Variants in COL4A4 observed in about 807,000 individuals in gnomAD.
COL4A4 encodes collagen type IV alpha 4 chain, also known as collagen alpha-4(IV) chain.
In COL4A4, 105 loss-of-function variants were observed where a neutral mutation model predicts 192.9. That is an observed-to-expected ratio of 0.54 (90% CI 0.46 to 0.64). The LOEUF is 0.64. Among genes scored for constraint, COL4A4 ranks in the 30% least tolerant of loss-of-function variants. The pLI, the probability that COL4A4 is intolerant of heterozygous loss-of-function variation, is 0.00. For synonymous variants in COL4A4, 762 were observed against 769.9 expected (o/e 0.99, Z 0.17); for missense variants, 1,967 against 2,169.3 (o/e 0.91, Z 1.85).
chr2:227,041,848 G>GAAA, intron 37 of COL4A4, among the ~76,000 whole-genome samples: 1 of 38,692 alleles, frequency 2.6e-5, no homozygotes, highest in South Asian at 9.4e-4. Context: ...AAGAAAGAAA[G>GAAA]AGAAAGAAAG....
chr2:227,162,932 C>T (rs1349169030), intron 1 of COL4A4, among the ~76,000 whole-genome samples: 2 of 152,208 alleles, frequency 1.3e-5, no homozygotes, highest in Non-Finnish European at 2.9e-5. Context: ...TGTCTTCATT[C>T]ACTGTTAGGG....
chr2:227,011,430 C>G (rs940088440), intron 45 of COL4A4, among the ~76,000 whole-genome samples: 1 of 152,100 alleles, frequency 6.6e-6, no homozygotes, highest in Non-Finnish European at 1.5e-5. Context: ...TTTCTGTAGA[C>G]TATAATTGGC....
At chr2:227,163,836 C>A (rs2065059187) in intron 1 of COL4A4, among the ~76,000 whole-genome samples, 171 bp downstream of exon 1, 1 of 152,212 alleles carries the variant, frequency 6.6e-6, no homozygotes, top group South Asian at 2.1e-4. Context: ...CCAGTTAAAG[C>A]CCAGGCAGAC....
At position 227,114,612 on chromosome 2, in the gene COL4A4, T is replaced by C. The variant is rs2061392643; in HGVS notation, c.558+16A>G. 6.2e-7 allele frequency: 1 copy of C among 1,610,822 alleles called. No individual in the cohort carries two copies. Among genetic ancestry groups the C allele is most frequent in the Non-Finnish European group, 8.5e-7 (1 of 1,176,936 alleles). ...GAAGAAAAAATTTTTTAACCCATCA[T>C]GATCATAATACTTACCTGAATACCT... On this transcript the variant is annotated intron_variant, in intron 8 of 47. Transcript: ENST00000396625.
At chr2:227,140,033 C>T (rs1015597905) in intron 4 of COL4A4, 128 bp downstream of exon 4, 13 of 766,942 alleles carry the variant, frequency 1.7e-5, no homozygotes, top group African/African-American at 5.2e-5. Flanking sequence ...TGAAAAACTT[C>T]GGCTGTGAAA....
the COL4A4 span, among the ~76,000 whole-genome samples, chr2:226,973,930 A>G: frequency 4.6e-5 from 7 of 152,134 alleles, no homozygotes; most frequent in African/African-American, 7.2e-5. Flanking sequence ...TTTCGTTCGC[A>G]TGGGCTCTTT....
intron 4 of COL4A4, among the ~76,000 whole-genome samples, chr2:227,139,480 G>A (rs1024065308): frequency 3.3e-5 from 5 of 152,160 alleles, no homozygotes; most frequent in African/African-American, 1.2e-4. Flanking sequence ...ATGTTCAAGA[G>A]ACCTGACAGA....
intron 1 of COL4A4, among the ~76,000 whole-genome samples, chr2:227,151,645 C>A (rs1443863750): frequency 6.6e-6 from 1 of 152,168 alleles, no homozygotes; most frequent in Non-Finnish European, 1.5e-5. Flanking sequence ...CCTGCACCTC[C>A]AATTCGTAGG....
chr2:227,140,896 C>CAA (rs201239603), intron 3 of COL4A4, among the ~76,000 whole-genome samples: 2,958 of 151,348 alleles, frequency 0.02, 123 homozygotes, highest in African/African-American at 0.067. Context: ...CACACACACA[C>CAA]ACACACACAC....
chr2:226,984,843 A>G, the COL4A4 span, among the ~76,000 whole-genome samples: 2 of 151,730 alleles, frequency 1.3e-5, no homozygotes. Context: ...GTGCACTCTG[A>G]ACCAGGCATC....
chr2:227,030,211 G>T (rs1375540006), intron 41 of COL4A4, among the ~76,000 whole-genome samples: 1 of 151,830 alleles, frequency 6.6e-6, no homozygotes, highest in Non-Finnish European at 1.5e-5. Flanking sequence ...GTTCAATTCT[G>T]GCCTGGAAGA....
At chr2:227,152,243 G>A (rs1240011719) in intron 1 of COL4A4, among the ~76,000 whole-genome samples, 1 of 152,164 alleles carries the variant, frequency 6.6e-6, no homozygotes, top group Non-Finnish European at 1.5e-5. Flanking sequence ...CCTTTCTTTT[G>A]AAAAGCAGGG....
chr2:227,120,237 AG>A (rs2061702303), intron 5 of COL4A4, among the ~76,000 whole-genome samples: 1 of 152,222 alleles, frequency 6.6e-6, no homozygotes, highest in African/African-American at 2.4e-5. Flanking sequence ...CTGTGAACAC[AG>A]GCAATTGATA....
intron 4 of COL4A4, among the ~76,000 whole-genome samples, chr2:227,138,046 AG>A (rs1248622827): frequency 2.0e-5 from 3 of 152,118 alleles, no homozygotes; most frequent in African/African-American, 7.2e-5. Flanking sequence ...CTGTAATCCC[AG>A]GACTTTGGGA....
rs377230950 is a variant in COL4A4, at chr2:227,032,189, G to A, written c.3665C>T (p.Pro1222Leu). 3.1e-6 allele frequency: 5 copies of A among 1,614,070 alleles called. No homozygotes were observed. Among genetic ancestry groups the A allele is most frequent in the Non-Finnish European group, 4.2e-6 (5 of 1,180,002 alleles). Reference sequence around the variant, plus strand: ...ACCTTTCTTTCCACGAGGACCTGGAGGAGAGATTCCTGGGCTCCCAGGGTC... The same window carrying A: ...ACCTTTCTTTCCACGAGGACCTGGAAGAGAGATTCCTGGGCTCCCAGGGTC... Reference protein sequence around the residue: ...RGDPGSPGISPPGPRGKKGPP... With the variant: ...RGDPGSPGISLPGPRGKKGPP... The change falls in exon 39 of 48, where the codon CCT (proline) becomes CTT (leucine). Residue 1222 changes from proline to leucine, a missense_variant. By Grantham distance (98) the Pro-to-Leu change is moderately conservative. Coordinates refer to ENST00000396625, the MANE Select transcript of COL4A4 (RefSeq NM_000092.5).
rs115058776 is a variant in COL4A4 at position 227,162,838 on chromosome 2, C to T, written c.-102+1169G>A. 8.9e-3 allele frequency among the ~76,000 whole-genome samples: 1,348 copies of T among 152,252 alleles called. 22 individuals are homozygous for T. The highest frequency in any genetic ancestry group is 0.031 in the African/African-American group (1,282 of 41,536). The stretch of plus-strand genomic sequence containing the variant: ...TCCTCCCAAAGATTCTAATGCACAA[C>T]GATAGTTGAGAATCACTGGCATAAA... On this transcript the variant is annotated intron_variant, in intron 1 of 47. Transcript: ENST00000396625.
rs1576043805 is a variant in COL4A4 at position 227,043,194 on chromosome 2, G to A, written c.3290-10C>T. 1 of 1,609,978 alleles carries A rather than the reference G, an allele frequency of 6.2e-7. No individual in the cohort carries two copies. The highest frequency in any genetic ancestry group is 8.5e-7 in the Non-Finnish European group (1 of 1,176,262). On this transcript the variant is annotated splice_polypyrimidine_tract_variant and intron_variant, in intron 35 of 47. Coordinates refer to ENST00000396625, the MANE Select transcript of COL4A4 (RefSeq NM_000092.5). The stretch of plus-strand genomic sequence containing the variant: ...GATGCTCCAAAATGCCCTAAAGAAG[G>A]AAAGATCAAACATCAGAGTTGCCGT...
chr2:226,986,664 TAAA>T, the COL4A4 span, among the ~76,000 whole-genome samples: 4 of 152,268 alleles, frequency 2.6e-5, no homozygotes, highest in Non-Finnish European at 5.9e-5. Flanking sequence ...TAGCGATCAC[TAAA>T]AAGTCAGGAA....
At chr2:227,075,905 A>T (rs1203311264) in intron 25 of COL4A4, among the ~76,000 whole-genome samples, 1 of 152,142 alleles carries the variant, frequency 6.6e-6, no homozygotes, top group Non-Finnish European at 1.5e-5. Context: ...AAGAGAAAAA[A>T]ATACCTAGGA....
Sources: gnomAD v4.1 joint callset for allele counts (sites outside exome capture counted in the v4.1 genomes callset) on GRCh38, gnomAD v4.1.1 for gene constraint, MANE v1.5 for transcripts, NCBI Gene and HGNC (gene_info 2026-07-23, HGNC 2026-07-21) for gene names.